Variants in GDA observed in about 807,000 individuals in gnomAD.
The protein encoded by GDA is guanine deaminase.
Under a neutral mutation model 59.6 loss-of-function variants are expected in GDA, and 18 were observed. The observed-to-expected ratio is 0.30, with a 90% confidence interval of 0.21 to 0.45. GDA has a LOEUF of 0.45. Ranked by LOEUF, GDA falls within the 20% of genes least tolerant of loss-of-function variation. GDA has a pLI of 1.00. For synonymous variants in GDA, 201 were observed against 201.1 expected (o/e 1.00, Z 0.00); for missense variants, 427 against 552.3 (o/e 0.77, Z 2.27).
chr9:72,212,062 A>G (rs1835441239), intron 4 of GDA, among the ~76,000 whole-genome samples: 1 of 152,242 alleles, frequency 6.6e-6, no homozygotes, highest in Non-Finnish European at 1.5e-5. Flanking sequence ...ATTGTCCCAT[A>G]TAGCCTCAGC....
At chr9:72,139,412 ACCAAAATGTTAAATG>A (rs1438470587) in intron 1 of GDA, among the ~76,000 whole-genome samples, 1 of 152,254 alleles carries the variant, frequency 6.6e-6, no homozygotes, top group East Asian at 1.9e-4. Flanking sequence ...TCCTTATGGC[ACCAAAATGTTAAATG>A]CCTTTCTTCT....
Position 72,249,647 on chromosome 9 carries a change from G to A in GDA, c.*1305G>A. 2 of 636,666 alleles carry A rather than the reference G, an allele frequency of 3.1e-6. No individual in the cohort carries two copies. The highest frequency in any genetic ancestry group is 3.9e-6 in the Non-Finnish European group (2 of 511,864). 39.4% of individuals were successfully genotyped at this position (636,666 alleles called of 1,614,324 possible). On this transcript the variant is annotated 3_prime_UTR_variant, in exon 14 of 14. Transcript: ENST00000358399. ...TTATGACCTTATGATAAATCTTTAA[G>A]TATTGGTGTGAATGTTATTTAAATT...
At chr9:72,213,658 C>T (rs1835685712) in intron 4 of GDA, among the ~76,000 whole-genome samples, 1 of 151,834 alleles carries the variant, frequency 6.6e-6, no homozygotes, top group Non-Finnish European at 1.5e-5. Flanking sequence ...AAAAAATTAG[C>T]CGGGCGCGGT....
chr9:72,240,786 C>G (rs1839522399), intron 10 of GDA, among the ~76,000 whole-genome samples: 1 of 152,170 alleles, frequency 6.6e-6, no homozygotes, highest in Admixed American at 6.5e-5. Flanking sequence ...CCACCAGAAG[C>G]TGGGAGAAGC....
intron 5 of GDA, among the ~76,000 whole-genome samples, chr9:72,215,296 G>C (rs980669276): frequency 1.3e-5 from 2 of 151,578 alleles, no homozygotes; most frequent in African/African-American, 4.8e-5. Flanking sequence ...GTGTTTCCAT[G>C]GTCCAGAACT....
chr9:72,257,181 A>C (rs1302272163), downstream of GDA: 1 of 152,236 alleles, frequency 6.6e-6, no homozygotes, highest in South Asian at 2.1e-4. Context: ...CAACACCTGG[A>C]GACCTTTTCC....
At chr9:72,164,618 G>A (rs1479294754) in intron 1 of GDA, among the ~76,000 whole-genome samples, 1 of 152,104 alleles carries the variant, frequency 6.6e-6, no homozygotes, top group African/African-American at 2.4e-5. Context: ...TTACATACCT[G>A]TTATTCCCAC....
intron 10 of GDA, among the ~76,000 whole-genome samples, chr9:72,234,172 G>A (rs1224681899): frequency 4.6e-5 from 7 of 152,110 alleles, no homozygotes; most frequent in Non-Finnish European, 7.4e-5. Flanking sequence ...CACACTGCAT[G>A]ATTCCATCTG....
intron 10 of GDA, among the ~76,000 whole-genome samples, chr9:72,236,591 G>A (rs545081570): frequency 2.0e-5 from 3 of 151,822 alleles, no homozygotes; most frequent in East Asian, 1.9e-4. Context: ...CCAATCAAAG[G>A]CAAAAATACC....
At chr9:72,187,750 TG>T (rs1832035176) in intron 1 of GDA, among the ~76,000 whole-genome samples, 1 of 152,196 alleles carries the variant, frequency 6.6e-6, no homozygotes, top group African/African-American at 2.4e-5. Context: ...AAGAGAAGAC[TG>T]GGGAAAGTTT....
chr9:72,225,577 TA>T (rs1837449441), intron 7 of GDA, 99 bp from the exon 8 acceptor site: 1 of 646,284 alleles, frequency 1.5e-6, no homozygotes, highest in Non-Finnish European at 2.8e-6. Context: ...GTCCCTTAAA[TA>T]GGCAAGTAGA....
chr9:72,184,659 G>A (rs1831649228), intron 1 of GDA, among the ~76,000 whole-genome samples: 1 of 152,108 alleles, frequency 6.6e-6, no homozygotes, highest in South Asian at 2.1e-4. Flanking sequence ...ATCAAGGAGT[G>A]TTTGTTTTCT....
At chr9:72,246,597 G>A (rs751571487) in intron 12 of GDA, among the ~76,000 whole-genome samples, 1 of 152,114 alleles carries the variant, frequency 6.6e-6, no homozygotes, top group Non-Finnish European at 1.5e-5. Flanking sequence ...TGGTCCAGTG[G>A]TAATAAGCTA....
At chr9:72,150,826 A>T (rs1346110207) in intron 1 of GDA, among the ~76,000 whole-genome samples, 2 of 152,140 alleles carry the variant, frequency 1.3e-5, no homozygotes, top group Admixed American at 6.6e-5. Context: ...TGTGTTTCCA[A>T]GGTGATAAAA....
At chr9:72,160,096 G>A (rs955353441) in intron 1 of GDA, among the ~76,000 whole-genome samples, 1 of 152,026 alleles carries the variant, frequency 6.6e-6, no homozygotes. Flanking sequence ...TCAGGAGATC[G>A]AGACCATCCT....
intron 1 of GDA, among the ~76,000 whole-genome samples, chr9:72,177,161 C>T (rs983072634): frequency 7.1e-6 from 1 of 140,094 alleles, no homozygotes; most frequent in African/African-American, 2.7e-5. Context: ...TGCAGTGGCA[C>T]GATTGTTGCT....
At chr9:72,138,026 CTT>C (rs1258513330) in intron 1 of GDA, among the ~76,000 whole-genome samples, 1 of 152,114 alleles carries the variant, frequency 6.6e-6, no homozygotes. Context: ...TTCTGTGTCT[CTT>C]TGTTGTGCTT....
At chr9:72,254,809 T>C (rs1840848657), downstream of GDA, among the ~76,000 whole-genome samples, 1 of 152,246 alleles carries the variant, frequency 6.6e-6, no homozygotes, top group Non-Finnish European at 1.5e-5. Context: ...TTCAGATTTC[T>C]AAATTTGGTG....
At chr9:72,184,765 T>C (rs1303052424) in intron 1 of GDA, among the ~76,000 whole-genome samples, 1 of 152,208 alleles carries the variant, frequency 6.6e-6, no homozygotes, top group African/African-American at 2.4e-5. Context: ...AAATGTTAAA[T>C]GTTATTTCCA....
Sources: gnomAD v4.1 joint callset for allele counts (sites outside exome capture counted in the v4.1 genomes callset) on GRCh38, gnomAD v4.1.1 for gene constraint, MANE v1.5 for transcripts, NCBI Gene and HGNC (gene_info 2026-07-23, HGNC 2026-07-21) for gene names.